Variants in PYM1 observed in about 807,000 individuals in gnomAD.
PYM1 encodes PYM1 exon junction complex associated factor.
PYM1 carries 7 observed loss-of-function variants against 20.7 expected under a neutral mutation model. That is an observed-to-expected ratio of 0.34 (90% CI 0.19 to 0.64). The LOEUF (loss-of-function observed/expected upper bound fraction) is 0.64, where lower values mean the gene tolerates loss of function less well. Ranked by LOEUF, PYM1 falls within the 30% of genes least tolerant of loss-of-function variation. The pLI is 0.74. For missense variants in PYM1, 194 were observed against 250.0 expected (o/e 0.78, Z 1.51); for synonymous variants, 100 against 99.2 (o/e 1.01, Z -0.05).
intron 1 of PYM1, among the ~76,000 whole-genome samples, chr12:55,910,252 C>CATATATATATATATATAT (rs71074876): frequency 3.8e-4 from 54 of 142,740 alleles, no homozygotes; most frequent in African/African-American, 1.3e-3. Flanking sequence ...TGGTTTTATA[C>CATATATATATATATATAT]ATATATATAT....
At chr12:55,911,829 G>T (rs565892903) in intron 1 of PYM1, among the ~76,000 whole-genome samples, 11 of 147,826 alleles carry the variant, frequency 7.4e-5, no homozygotes, top group Non-Finnish European at 1.6e-4. Context: ...TGACAAGAGC[G>T]AAACTCCATC....
At chr12:55,905,476 C>T (rs1414405434) in intron 1 of PYM1, among the ~76,000 whole-genome samples, 2 of 150,368 alleles carry the variant, frequency 1.3e-5, no homozygotes, top group Non-Finnish European at 3.0e-5. Context: ...CTGAGGCGGG[C>T]GGATCATCTG....
intron 1 of PYM1, among the ~76,000 whole-genome samples, chr12:55,919,509 G>C (rs1389382455): frequency 6.6e-6 from 1 of 152,058 alleles, no homozygotes; most frequent in Non-Finnish European, 1.5e-5. Flanking sequence ...GGTGTTTCAA[G>C]GATTCATATT....
At chr12:55,923,816 G>A (rs1256180466) in intron 1 of PYM1, among the ~76,000 whole-genome samples, 1 of 151,792 alleles carries the variant, frequency 6.6e-6, no homozygotes, top group Non-Finnish European at 1.5e-5. Flanking sequence ...GGTGACTCAT[G>A]CCTGTAATCC....
intron 1 of PYM1, among the ~76,000 whole-genome samples, chr12:55,925,669 T>C (rs549199721): frequency 1.4e-4 from 22 of 152,214 alleles, no homozygotes; most frequent in Non-Finnish European, 3.1e-4. Context: ...GTGACAGTGG[T>C]AGATCAATGA....
chr12:55,927,189 A>G (rs1432137340), intron 1 of PYM1: 3 of 1,539,758 alleles, frequency 1.9e-6, no homozygotes, highest in African/African-American at 1.4e-5. Context: ...TCCCGATCGT[A>G]GCAAGCCACC....
At chr12:55,920,415 A>G (rs1883077993) in intron 1 of PYM1, among the ~76,000 whole-genome samples, 1 of 152,008 alleles carries the variant, frequency 6.6e-6, no homozygotes. Flanking sequence ...AAGGTGGGCG[A>G]TCCTTTGAGG....
At chr12:55,919,224 TG>T (rs2136267678) in intron 1 of PYM1, among the ~76,000 whole-genome samples, 1 of 152,342 alleles carries the variant, frequency 6.6e-6, no homozygotes, top group East Asian at 1.9e-4. Context: ...CTTGACTCAC[TG>T]CAGTCTCCAC....
chr12:55,916,375 A>G (rs1355085906), intron 1 of PYM1, among the ~76,000 whole-genome samples: 3 of 152,138 alleles, frequency 2.0e-5, no homozygotes, highest in Admixed American at 6.6e-5. Flanking sequence ...AAGGTAGCAC[A>G]TATCTGTAAC....
At chr12:55,915,460 C>G (rs182984394) in intron 1 of PYM1, among the ~76,000 whole-genome samples, 1 of 150,030 alleles carries the variant, frequency 6.7e-6, no homozygotes, top group East Asian at 2.0e-4. Context: ...CCCAGCTACT[C>G]GGGAGGCTGA....
chr12:55,907,226 G>A (rs1307243236), intron 1 of PYM1, among the ~76,000 whole-genome samples: 2 of 151,630 alleles, frequency 1.3e-5, no homozygotes, highest in East Asian at 2.0e-4. Flanking sequence ...CAATTTGGGA[G>A]GTTGAAGTGG....
At chr12:55,920,624 G>A (rs1404807369) in intron 1 of PYM1, among the ~76,000 whole-genome samples, 11 of 146,838 alleles carry the variant, frequency 7.5e-5, no homozygotes, top group Non-Finnish European at 1.6e-4. Flanking sequence ...GTGACAAAGC[G>A]AGACTCCGTC....
intron 1 of PYM1, among the ~76,000 whole-genome samples, chr12:55,919,548 A>G (rs571007575): frequency 2.0e-5 from 3 of 152,196 alleles, no homozygotes; most frequent in Admixed American, 6.5e-5. Context: ...TCTTAACAGT[A>G]TAATTCAAAA....
intron 1 of PYM1, among the ~76,000 whole-genome samples, chr12:55,921,515 A>G: frequency 6.6e-6 from 1 of 152,228 alleles, no homozygotes; most frequent in South Asian, 2.1e-4. Context: ...ATAAAAAAAT[A>G]AAACTCCCAT....
chr12:55,927,628 G>T, intron 1 of PYM1, 97 bp downstream of exon 1: 1 of 1,465,304 alleles, frequency 6.8e-7, no homozygotes, highest in Middle Eastern at 2.4e-4. Context: ...AGGTGGGGAG[G>T]TCGAATTCGT....
intron 1 of PYM1, chr12:55,927,228 T>C (rs752808418): frequency 2.1e-5 from 29 of 1,405,294 alleles, no homozygotes; most frequent in Non-Finnish European, 2.6e-5. Context: ...GAGTGCACCA[T>C]TTCATGGGCG....
intron 1 of PYM1, among the ~76,000 whole-genome samples, chr12:55,909,387 G>A (rs1565715458): frequency 1.3e-5 from 2 of 152,162 alleles, no homozygotes; most frequent in African/African-American, 4.8e-5. Context: ...CCAGAGACAA[G>A]GGCTGGAATG....
intron 1 of PYM1, among the ~76,000 whole-genome samples, chr12:55,908,439 AAAG>A (rs1382557896): frequency 6.6e-6 from 1 of 151,492 alleles, no homozygotes; most frequent in Non-Finnish European, 1.5e-5. Flanking sequence ...AAAAAAAAAA[AAAG>A]AAGAAAGAAA....
intron 1 of PYM1, among the ~76,000 whole-genome samples, chr12:55,918,942 C>A (rs935731692): frequency 6.6e-5 from 10 of 152,158 alleles, no homozygotes; most frequent in Non-Finnish European, 1.2e-4. Context: ...TAAAATACTA[C>A]TCCCATAAGA....
Sources: gnomAD v4.1 joint callset for allele counts (sites outside exome capture counted in the v4.1 genomes callset) on GRCh38, gnomAD v4.1.1 for gene constraint, MANE v1.5 for transcripts, NCBI Gene and HGNC (gene_info 2026-07-23, HGNC 2026-07-21) for gene names.